Variants in PRKCB observed in about 807,000 individuals in gnomAD.
PRKCB encodes protein kinase C beta, also known as protein kinase C beta type.
A neutral mutation model predicts 81.5 loss-of-function variants in PRKCB; 13 were observed. The observed-to-expected ratio is 0.16, with a 90% CI of 0.10 to 0.25. PRKCB has a LOEUF of 0.25. PRKCB is among the 10% of genes least tolerant of loss of function. The pLI is 1.00. For synonymous variants in PRKCB, 335 were observed against 321.4 expected (o/e 1.04, Z -0.45); for missense variants, 509 against 875.7 (o/e 0.58, Z 5.29).
intron 3 of PRKCB, among the ~76,000 whole-genome samples, chr16:24,001,197 T>C (rs1965030064): frequency 6.6e-6 from 1 of 152,170 alleles, no homozygotes; most frequent in African/African-American, 2.4e-5. Context: ...TTGAACAGGG[T>C]CTCTGGGCAG....
At chr16:23,954,675 C>G (rs940769610) in intron 2 of PRKCB, among the ~76,000 whole-genome samples, 1 of 152,208 alleles carries the variant, frequency 6.6e-6, no homozygotes, top group Non-Finnish European at 1.5e-5. Context: ...TGATACTGGG[C>G]TGGTTTCTTA....
At chr16:24,113,533 C>CT (rs1369343602) in intron 8 of PRKCB, among the ~76,000 whole-genome samples, 1 of 148,308 alleles carries the variant, frequency 6.7e-6, no homozygotes, top group African/African-American at 2.5e-5. Flanking sequence ...TCCCTCCCTC[C>CT]CCCCTTTCCT....
At chr16:23,907,967 G>A (rs1196476686) in intron 2 of PRKCB, among the ~76,000 whole-genome samples, 1 of 152,208 alleles carries the variant, frequency 6.6e-6, no homozygotes, top group East Asian at 1.9e-4. Context: ...ATTTTTCTTA[G>A]GAGTAAAAGA....
intron 16 of PRKCB, among the ~76,000 whole-genome samples, chr16:24,191,782 C>G (rs1480640044): frequency 6.6e-6 from 1 of 152,134 alleles, no homozygotes; most frequent in African/African-American, 2.4e-5. Flanking sequence ...CTGAAGACCC[C>G]CTCCGGGAGG....
rs566570424 is a variant in PRKCB, at chr16:24,065,076, TC to T, written c.530-27710del. Among the ~76,000 whole-genome samples the T allele has an allele frequency of 6.1e-5, 9 of 148,752 alleles. No individual in the cohort carries two copies. In the East Asian group the frequency reaches 1.7e-3, roughly 29 times the overall value. On this transcript the variant is annotated intron_variant, in intron 5 of 16. Transcript: ENST00000643927. Reference sequence around the variant, plus strand: ...AATAATATAAATATATATATATTTTTCCCCCTTTTCCCTTTCAGTCTTTCTG... The same window carrying T: ...AATAATATAAATATATATATATTTTTCCCCTTTTCCCTTTCAGTCTTTCTG...
At chr16:24,177,813 A>G (rs1967558013) in intron 12 of PRKCB, among the ~76,000 whole-genome samples, 1 of 152,220 alleles carries the variant, frequency 6.6e-6, no homozygotes, top group Admixed American at 6.5e-5. Flanking sequence ...CAGGCTGTAT[A>G]GACTCTTAAT....
chr16:23,975,801 C>A (rs191283122), intron 2 of PRKCB, among the ~76,000 whole-genome samples: 1 of 152,174 alleles, frequency 6.6e-6, no homozygotes, highest in Non-Finnish European at 1.5e-5. Context: ...AGGGCCCCCA[C>A]GGCCCACCCT....
chr16:23,929,611 C>T (rs1255776156), intron 2 of PRKCB, among the ~76,000 whole-genome samples: 1 of 152,100 alleles, frequency 6.6e-6, no homozygotes, highest in East Asian at 1.9e-4. Context: ...TGTAACAACA[C>T]AGAGACGATG....
intron 16 of PRKCB, among the ~76,000 whole-genome samples, chr16:24,210,080 A>T (rs1968116391): frequency 6.6e-6 from 1 of 152,048 alleles, no homozygotes; most frequent in East Asian, 1.9e-4. Context: ...CATGCCTCTG[A>T]CTCAAGCATG....
chr16:23,984,948 A>G (rs58340631), intron 2 of PRKCB, among the ~76,000 whole-genome samples: 341 of 152,328 alleles, frequency 2.2e-3, no homozygotes, highest in African/African-American at 8.0e-3. Context: ...AATAATAAAA[A>G]TATTATTTGG....
At position 24,216,778 on chromosome 16, in the gene PRKCB, G is replaced by A. The variant is rs943071203; in HGVS notation, c.*1962G>A. On this transcript the variant is annotated 3_prime_UTR_variant, in exon 17 of 17. Coordinates refer to ENST00000643927, the MANE Select transcript of PRKCB (RefSeq NM_002738.7). ...AGGCAGTAAGAGAAGGAGGGAAATCGGAGCAAAGCTCCCTCACTTTATTGT... is the reference window on the plus strand; with the variant it reads ...AGGCAGTAAGAGAAGGAGGGAAATCAGAGCAAAGCTCCCTCACTTTATTGT... 18 of 985,414 alleles carry A rather than the reference G, an allele frequency of 1.8e-5. No individual in the cohort carries two copies. Among genetic ancestry groups the A allele is most frequent in the Middle Eastern group, 5.2e-4 (1 of 1,916 alleles). 61.0% of individuals were successfully genotyped at this position (985,414 alleles called of 1,614,324 possible).
intron 2 of PRKCB, among the ~76,000 whole-genome samples, chr16:23,874,450 A>G (rs1962961389): frequency 1.3e-5 from 2 of 152,228 alleles, no homozygotes; most frequent in African/African-American, 4.8e-5. Context: ...GATATAAGAA[A>G]TGCCTGTAAA....
At chr16:23,967,203 G>A (rs1490573853) in intron 2 of PRKCB, among the ~76,000 whole-genome samples, 1 of 152,144 alleles carries the variant, frequency 6.6e-6, no homozygotes, top group Non-Finnish European at 1.5e-5. Flanking sequence ...GGTTATTGTG[G>A]CTTTTTCTGC....
At chr16:24,056,263 A>G (rs1319714304) in intron 5 of PRKCB, among the ~76,000 whole-genome samples, 1 of 152,212 alleles carries the variant, frequency 6.6e-6, no homozygotes, top group Non-Finnish European at 1.5e-5. Flanking sequence ...CTGGCATCAG[A>G]CTGACCTGGG....
intron 9 of PRKCB, among the ~76,000 whole-genome samples, chr16:24,153,943 C>T (rs1284921946): frequency 6.6e-6 from 1 of 152,150 alleles, no homozygotes; most frequent in Non-Finnish European, 1.5e-5. Context: ...AACAAGTGCC[C>T]TAATTTTAGT....
At chr16:23,896,110 A>C (rs1963374386) in intron 2 of PRKCB, among the ~76,000 whole-genome samples, 1 of 150,476 alleles carries the variant, frequency 6.6e-6, no homozygotes, top group African/African-American at 2.4e-5. Context: ...AGCATTTGGC[A>C]AGTGTTTACT....
chr16:23,954,452 A>T (rs942230893), intron 2 of PRKCB, among the ~76,000 whole-genome samples: 1 of 152,114 alleles, frequency 6.6e-6, no homozygotes, highest in Admixed American at 6.5e-5. Flanking sequence ...TCCTGGGAGG[A>T]ACCTTCTATC....
At position 23,916,220 on chromosome 16, in the gene PRKCB, A is replaced by ATTT. The variant is rs10678336; in HGVS notation, c.206-72268_206-72266dup. Among the ~76,000 whole-genome samples, 214 of 112,840 alleles carry ATTT rather than the reference A, an allele frequency of 1.9e-3. 2 individuals carry two copies. Among genetic ancestry groups the ATTT allele is most frequent in the African/African-American group, 5.4e-3 (155 of 28,688 alleles). 74.0% of individuals were successfully genotyped at this position (112,840 alleles called of 152,430 possible). A position where few individuals can be genotyped will look rare whatever the true frequency, so the allele number is the denominator to read the frequency against. ...AGGTGCATGCCACCACATGTGGCTA[A>ATTT]TTTTTTTTTTTTTTTTTTTTTTGAG... On this transcript the variant is annotated intron_variant, in intron 2 of 16. Transcript: ENST00000643927.
chr16:23,938,355 G>C (rs547084376), intron 2 of PRKCB, among the ~76,000 whole-genome samples: 1 of 152,310 alleles, frequency 6.6e-6, no homozygotes, highest in Admixed American at 6.5e-5. Flanking sequence ...CACTGAAAAA[G>C]TTAATTGAAG....
Sources: allele counts gnomAD v4.1 joint callset (sites outside exome capture counted in the v4.1 genomes callset), GRCh38; gene constraint gnomAD v4.1.1; transcripts MANE v1.5; gene names NCBI Gene and HGNC (gene_info 2026-07-23, HGNC 2026-07-21).